The following ARL15 variants were observed in gnomAD, a reference collection of about 807,000 sequenced individuals.
ARL15 encodes the protein ARF like GTPase 15, also known as ADP-ribosylation factor-like protein 15.
ARL15 carries 19 observed loss-of-function variants against 25.2 expected under a neutral mutation model. The ratio of observed to expected loss-of-function variants is 0.75; its 90% CI spans 0.53 to 1.10. The LOEUF (loss-of-function observed/expected upper bound fraction) is 1.10. Ranked by LOEUF, ARL15 falls within the 50% of genes least tolerant of loss-of-function variation. ARL15 has a pLI of 0.00. For missense variants in ARL15, 220 were observed against 246.0 expected, an observed-to-expected ratio of 0.89 and a Z score of 0.71; for synonymous variants, 94 against 86.8, an observed-to-expected ratio of 1.08 and a Z score of -0.46.
intron 1 of ARL15, among the ~76,000 whole-genome samples, chr5:54,280,946 C>T (rs943962787): frequency 3.3e-5 from 5 of 149,492 alleles, no homozygotes; most frequent in African/African-American, 1.2e-4. Context: ...GAGCTCAAGG[C>T]ATTTGGGTCA....
At chr5:53,972,834 T>C (rs879482045) in intron 4 of ARL15, among the ~76,000 whole-genome samples, 1 of 152,176 alleles carries the variant, frequency 6.6e-6, no homozygotes, top group Non-Finnish European at 1.5e-5. Flanking sequence ...AAGGAGTATA[T>C]AGGAATAAAA....
intron 4 of ARL15, among the ~76,000 whole-genome samples, chr5:54,099,372 A>G (rs573916339): frequency 6.6e-6 from 1 of 152,206 alleles, no homozygotes; most frequent in East Asian, 1.9e-4. Flanking sequence ...AGAAAAGTAC[A>G]TTTTATCGGC....
chr5:54,211,430 A>C (rs933067980), intron 1 of ARL15, among the ~76,000 whole-genome samples: 1 of 150,768 alleles, frequency 6.6e-6, no homozygotes, highest in Non-Finnish European at 1.5e-5. Flanking sequence ...AATATCAAAG[A>C]GCTGACATTA....
intron 4 of ARL15, among the ~76,000 whole-genome samples, chr5:53,910,573 T>C (rs1163655508): frequency 6.8e-6 from 1 of 147,264 alleles, no homozygotes; most frequent in Non-Finnish European, 1.5e-5. Flanking sequence ...TGTGTACCTA[T>C]GTGACAAACC....
At chr5:54,129,268 C>T (rs539282654) in intron 3 of ARL15, among the ~76,000 whole-genome samples, 20 of 152,196 alleles carry the variant, frequency 1.3e-4, no homozygotes, top group African/African-American at 4.6e-4. Flanking sequence ...GAAATGTCTC[C>T]AAATTAATAA....
intron 1 of ARL15, among the ~76,000 whole-genome samples, chr5:54,212,017 CA>C (rs1402769245): frequency 6.6e-6 from 1 of 152,068 alleles, no homozygotes; most frequent in Non-Finnish European, 1.5e-5. Flanking sequence ...ACAGAAAATT[CA>C]TGTTAGGTGC....
At chr5:54,275,456 C>G (rs1032354032) in intron 1 of ARL15, among the ~76,000 whole-genome samples, 1 of 152,114 alleles carries the variant, frequency 6.6e-6, no homozygotes, top group East Asian at 1.9e-4. Context: ...TCTGTGATTT[C>G]CAGATCATGC....
At chr5:54,265,480 A>T (rs1757601310) in intron 1 of ARL15, among the ~76,000 whole-genome samples, 1 of 152,222 alleles carries the variant, frequency 6.6e-6, no homozygotes, top group Non-Finnish European at 1.5e-5. Context: ...TCTGCCAGAG[A>T]TAAGGTTCAG....
At chr5:53,957,542 G>T (rs1050797037) in intron 4 of ARL15, among the ~76,000 whole-genome samples, 3 of 152,094 alleles carry the variant, frequency 2.0e-5, no homozygotes, top group Non-Finnish European at 4.4e-5. Flanking sequence ...GCCGTTAAAA[G>T]TAACCAAATG....
chr5:54,102,702 A>G (rs1752476357), intron 4 of ARL15, among the ~76,000 whole-genome samples: 1 of 152,092 alleles, frequency 6.6e-6, no homozygotes, highest in Non-Finnish European at 1.5e-5. Flanking sequence ...TTTTCATTGC[A>G]TTATTTCTTT....
At chr5:53,907,972 T>A (rs947314912) in intron 4 of ARL15, among the ~76,000 whole-genome samples, 10 of 152,266 alleles carry the variant, frequency 6.6e-5, no homozygotes, top group African/African-American at 2.4e-4. Context: ...CAGTTAACTA[T>A]CTTGTTTCAG....
chr5:54,079,830 C>G (rs1161349003), intron 4 of ARL15, among the ~76,000 whole-genome samples: 1 of 151,952 alleles, frequency 6.6e-6, no homozygotes, highest in Admixed American at 6.6e-5. Context: ...AATAGCCAGG[C>G]CTGGTGGCAC....
intron 4 of ARL15, chr5:54,048,157 C>T (rs778271448): frequency 3.3e-5 from 5 of 151,712 alleles, no homozygotes; most frequent in Admixed American, 1.3e-4. Flanking sequence ...GGTCGCCCCT[C>T]CTAGGAGGTT....
intron 1 of ARL15, among the ~76,000 whole-genome samples, chr5:54,210,438 C>A (rs1202039047): frequency 2.0e-5 from 3 of 152,130 alleles, no homozygotes; most frequent in Non-Finnish European, 4.4e-5. Context: ...TGGCTTCACT[C>A]ATTACGTTAT....
Position 53,895,792 on chromosome 5 carries a change from T to C in ARL15, c.463-9079A>G, listed in dbSNP as rs1202604208. 4.6e-5 allele frequency among the ~76,000 whole-genome samples: 7 copies of C among 152,336 alleles called. No individual in the cohort carries two copies. The East Asian group carries it at 1.3e-3, about 29-fold the overall frequency. On this transcript the variant is annotated intron_variant, in intron 4 of 4. Transcript: ENST00000504924. ...TTTTTAACTCATTTTATAATTCCAT[T>C]TATAAGTTTAATATATTCAGTTTTC... is the stretch of plus-strand genomic sequence containing the variant.
chr5:53,992,495 G>T (rs1433168553), intron 4 of ARL15, among the ~76,000 whole-genome samples: 2 of 152,092 alleles, frequency 1.3e-5, no homozygotes, highest in African/African-American at 4.8e-5. Flanking sequence ...TACTTTTATG[G>T]CAGTACCTAC....
chr5:54,037,589 TA>T (rs1750211880), intron 4 of ARL15, among the ~76,000 whole-genome samples: 1 of 152,080 alleles, frequency 6.6e-6, no homozygotes, highest in South Asian at 2.1e-4. Flanking sequence ...ACCTGCCAAG[TA>T]AAAATAGACA....
chr5:53,958,465 C>A (rs1747245299), intron 4 of ARL15, among the ~76,000 whole-genome samples: 1 of 152,218 alleles, frequency 6.6e-6, no homozygotes, highest in East Asian at 1.9e-4. Flanking sequence ...ATACATTCCA[C>A]TAAAACATCA....
chr5:54,124,043 G>C (rs1753170035), intron 3 of ARL15, among the ~76,000 whole-genome samples: 1 of 152,128 alleles, frequency 6.6e-6, no homozygotes, highest in South Asian at 2.1e-4. Context: ...AAGGGAGAGA[G>C]ACAGTGTAAT....
Sources: allele counts gnomAD v4.1 joint callset (sites outside exome capture counted in the v4.1 genomes callset), GRCh38; gene constraint gnomAD v4.1.1; transcripts MANE v1.5; gene names NCBI Gene and HGNC (gene_info 2026-07-23, HGNC 2026-07-21).